OPRD1: variants seen among roughly 807,000 people sequenced by gnomAD.
OPRD1 encodes the protein opioid receptor delta 1.
In OPRD1, 19 loss-of-function variants were observed where a neutral mutation model predicts 17.5. The observed-to-expected ratio is 1.09, with a 90% confidence interval of 0.76 to 1.60. OPRD1 has a LOEUF of 1.60. Among genes scored for constraint, OPRD1 ranks in the 40% most tolerant of loss-of-function variants. OPRD1 has a pLI of 0.00. For missense variants in OPRD1, 483 were observed against 547.2 expected, an observed-to-expected ratio of 0.88 and a Z score of 1.17; for synonymous variants, 256 against 240.9, an observed-to-expected ratio of 1.06 and a Z score of -0.58.
intron 1 of OPRD1, among the ~76,000 whole-genome samples, chr1:28,851,576 G>GA (rs1470768397): frequency 1.3e-5 from 2 of 152,152 alleles, no homozygotes; most frequent in East Asian, 3.9e-4. Context: ...AGTGCAGATG[G>GA]AAAGTGGGGA....
chr1:28,857,037 T>C (rs1477758142), intron 1 of OPRD1, among the ~76,000 whole-genome samples: 1 of 152,002 alleles, frequency 6.6e-6, no homozygotes, highest in African/African-American at 2.4e-5. Context: ...CCCCAGCCAA[T>C]CTACTAGGCA....
At chr1:28,825,351 G>A (rs568502048) in intron 1 of OPRD1, among the ~76,000 whole-genome samples, 2 of 152,216 alleles carry the variant, frequency 1.3e-5, no homozygotes, top group South Asian at 2.1e-4. Flanking sequence ...GAGAGGCAGG[G>A]AGTGGCTGGA....
intron 1 of OPRD1, among the ~76,000 whole-genome samples, chr1:28,855,725 G>C (rs557703304): frequency 6.6e-6 from 1 of 152,340 alleles, no homozygotes; most frequent in South Asian, 2.1e-4. Context: ...AGCAGGCAAA[G>C]AACAGCCTCT....
At chr1:28,840,260 T>TTA (rs1292080115) in intron 1 of OPRD1, among the ~76,000 whole-genome samples, 2 of 152,038 alleles carry the variant, frequency 1.3e-5, no homozygotes, top group Admixed American at 6.6e-5. Flanking sequence ...CTCTGGGAGC[T>TTA]TATATATATA....
chr1:28,845,608 A>G (rs2088933375), intron 1 of OPRD1, among the ~76,000 whole-genome samples: 1 of 152,184 alleles, frequency 6.6e-6, no homozygotes, highest in Admixed American at 6.6e-5. Context: ...AGAGGAAAAA[A>G]AGAAAGAAAA....
chr1:28,812,537 A>G lies in OPRD1; in HGVS notation c.154A>G (p.Ile52Val), dbSNP rs111622802. 4.4e-3 allele frequency: 6,944 copies of G among 1,584,112 alleles called. 285 individuals carry two copies. The African/African-American group carries it at 0.081, about 18-fold the overall frequency. The change falls in exon 1 of 3, where the codon ATC (isoleucine) becomes GTC (valine). Residue 52 changes from isoleucine (I) to valine (V), a missense_variant. Coordinates refer to ENST00000234961, the MANE Select transcript of OPRD1 (RefSeq NM_000911.4). ...SASSLALAIA[I>V]TALYSAVCAV... Reference sequence around the variant, plus strand: ...CTCGTCCCTCGCCCTGGCAATCGCCATCACCGCGCTCTACTCGGCCGTGTG... The same window carrying G: ...CTCGTCCCTCGCCCTGGCAATCGCCGTCACCGCGCTCTACTCGGCCGTGTG...
At chr1:28,846,323 C>T (rs1262154204) in intron 1 of OPRD1, among the ~76,000 whole-genome samples, 1 of 152,128 alleles carries the variant, frequency 6.6e-6, no homozygotes, top group East Asian at 1.9e-4. Context: ...TTTCTCAGTT[C>T]GTAAGGACAG....
At chr1:28,814,379 A>G (rs1307517097) in intron 1 of OPRD1, among the ~76,000 whole-genome samples, 1 of 152,208 alleles carries the variant, frequency 6.6e-6, no homozygotes, top group Admixed American at 6.5e-5. Flanking sequence ...GCCTGGACCC[A>G]GTAAATGGAC....
At chr1:28,846,764 C>T (rs2088948230) in intron 1 of OPRD1, among the ~76,000 whole-genome samples, 1 of 150,986 alleles carries the variant, frequency 6.6e-6, no homozygotes, top group Admixed American at 6.6e-5. Context: ...GTAATCCCAC[C>T]ATCCCAAAGG....
chr1:28,823,387 GTTTATTTA>G lies in OPRD1; in HGVS notation c.227+10797_227+10804del, dbSNP rs3079037. ...ATTCTTTTTTAAATTTTATTTGTTT[GTTTATTTA>G]TTTATTTATTTATTTATTTGAGACG... is the stretch of plus-strand genomic sequence containing the variant. On this transcript the variant is annotated intron_variant, in intron 1 of 2. Transcript: ENST00000234961. 1.8e-4 allele frequency among the ~76,000 whole-genome samples: 25 copies of G among 141,018 alleles called. 1 individual carries two copies. The highest frequency in any genetic ancestry group is 2.2e-4 in the South Asian group (1 of 4,492). The allele number at this position is 141,018 out of a possible 152,430, so 92.5% of individuals were successfully genotyped here.
At chr1:28,853,925 G>A (rs1261137011) in intron 1 of OPRD1, among the ~76,000 whole-genome samples, 1 of 151,832 alleles carries the variant, frequency 6.6e-6, no homozygotes, top group South Asian at 2.1e-4. Context: ...ATTTTTTGTA[G>A]AGATAGGGTT....
intron 1 of OPRD1, among the ~76,000 whole-genome samples, chr1:28,819,118 A>G (rs1480312711): frequency 6.6e-6 from 1 of 152,008 alleles, no homozygotes; most frequent in African/African-American, 2.4e-5. Context: ...GTGACCTTGG[A>G]TGGGGCCATT....
At chr1:28,815,012 G>C (rs1206892550) in intron 1 of OPRD1, among the ~76,000 whole-genome samples, 1 of 152,228 alleles carries the variant, frequency 6.6e-6, no homozygotes, top group African/African-American at 2.4e-5. Flanking sequence ...ACCAGGCCCA[G>C]AGCTAGAACC....
intron 1 of OPRD1, 150 bp from the exon 2 acceptor site, chr1:28,858,804 C>G (rs2089082695): frequency 1.3e-6 from 1 of 753,936 alleles, no homozygotes; most frequent in African/African-American, 1.7e-5. Context: ...CCTTGGCCTC[C>G]AAAAGTGCTG....
intron 1 of OPRD1, among the ~76,000 whole-genome samples, 184 bp downstream of exon 1, chr1:28,812,794 G>C (rs376934319): frequency 1.4e-4 from 21 of 152,334 alleles, no homozygotes; most frequent in African/African-American, 4.6e-4. Context: ...GTGTGTCATC[G>C]TGTGTATGTG....
At position 28,812,252 on chromosome 1, in the gene OPRD1, A is replaced by T; in HGVS notation, c.-132A>T. 1 of 428,050 alleles carries T rather than the reference A, an allele frequency of 2.3e-6. No homozygotes were observed. Among genetic ancestry groups the T allele is most frequent in the Non-Finnish European group, 3.4e-6 (1 of 294,204 alleles). 26.5% of individuals were successfully genotyped at this position (428,050 alleles called of 1,614,324 possible). ...CGAGGCAGGCGGACGAGGCGCAGAG[A>T]CAGCGGGGCGGCCGGGGCGCGGCAG... On this transcript the variant is annotated 5_prime_UTR_variant, in exon 1 of 3. Transcript: ENST00000234961.
intron 1 of OPRD1, among the ~76,000 whole-genome samples, chr1:28,836,809 C>G (rs551215556): frequency 8.6e-4 from 131 of 152,208 alleles, no homozygotes; most frequent in Non-Finnish European, 1.6e-3. Flanking sequence ...CTCAAGCAAT[C>G]CCAAGTAGCT....
chr1:28,852,191 AGAAAG>A (rs2089011427), intron 1 of OPRD1, among the ~76,000 whole-genome samples: 1 of 150,554 alleles, frequency 6.6e-6, no homozygotes, highest in Non-Finnish European at 1.5e-5. Context: ...AAAAAAGAAA[AGAAAG>A]AAAGAAAAGA....
Position 28,812,225 on chromosome 1 carries a change from GGC to G in OPRD1, c.-157_-156del, listed in dbSNP as rs2088635450. Reference sequence around the variant, plus strand: ...CGCCGGGGGCTGGGCCGGTGCGGGCGGCGAGGCAGGCGGACGAGGCGCAGAGA... The same window carrying G: ...CGCCGGGGGCTGGGCCGGTGCGGGCGGAGGCAGGCGGACGAGGCGCAGAGA... On this transcript the variant is annotated 5_prime_UTR_variant, in exon 1 of 3. Transcript: ENST00000234961. The G allele has an allele frequency of 3.9e-6, 1 of 258,004 alleles. No individual in the cohort carries two copies. The highest frequency in any genetic ancestry group is 2.3e-5 in the African/African-American group (1 of 43,448). 16.0% of individuals were successfully genotyped at this position (258,004 alleles called of 1,614,324 possible). A position where few individuals can be genotyped will look rare whatever the true frequency, so the allele number is the denominator to read the frequency against.
Sources: gnomAD v4.1 joint callset for allele counts (sites outside exome capture counted in the v4.1 genomes callset) on GRCh38, gnomAD v4.1.1 for gene constraint, MANE v1.5 for transcripts, NCBI Gene and HGNC (gene_info 2026-07-23, HGNC 2026-07-21) for gene names.